The following CHRNA1 variants were observed in gnomAD, a reference collection of about 807,000 sequenced individuals.
CHRNA1 encodes the protein cholinergic receptor nicotinic alpha 1 subunit.
In CHRNA1, 35 loss-of-function variants were observed where a neutral mutation model predicts 47.1. The observed-to-expected ratio is 0.74, with a 90% CI of 0.57 to 0.99. The LOEUF (loss-of-function observed/expected upper bound fraction) is 0.99. CHRNA1 is among the 50% of genes least tolerant of loss of function. The pLI is 0.00. For missense variants in CHRNA1, 506 were observed against 591.1 expected (o/e 0.86, Z 1.49); for synonymous variants, 229 against 223.6 (o/e 1.02, Z -0.22).
At chr2:174,756,660 G>C (rs34962410) in intron 4 of CHRNA1, among the ~76,000 whole-genome samples, 1 of 152,140 alleles carries the variant, frequency 6.6e-6, no homozygotes, top group Non-Finnish European at 1.5e-5. Context: ...TTACACAAAT[G>C]ATCGGATAAT....
intron 1 of CHRNA1, among the ~76,000 whole-genome samples, chr2:174,761,156 C>G (rs1467306682): frequency 6.6e-6 from 1 of 152,164 alleles, no homozygotes; most frequent in Non-Finnish European, 1.5e-5. Context: ...GCCACTATTC[C>G]TATGAGAAAA....
At chr2:174,748,363 T>C (rs1270072820) in intron 8 of CHRNA1, 108 bp from the exon 9 acceptor site, 7 of 1,498,892 alleles carry the variant, frequency 4.7e-6, no homozygotes, top group Non-Finnish European at 6.4e-6. Flanking sequence ...GATCTCAAAG[T>C]CCTCCCATCC....
intron 3 of CHRNA1, chr2:174,758,029 C>G (rs780959620): frequency 1.2e-6 from 2 of 1,614,044 alleles, no homozygotes; most frequent in Admixed American, 1.7e-5. Flanking sequence ...CCCTGTCCAC[C>G]CACAGAAAAG....
At chr2:174,757,470 G>T in intron 4 of CHRNA1, 96 bp downstream of exon 4, 2 of 869,174 alleles carry the variant, frequency 2.3e-6, no homozygotes, top group Non-Finnish European at 3.8e-6. Context: ...AACATTAGCA[G>T]TGGTGAGAAG....
At chr2:174,755,935 G>T (rs187573643) in intron 4 of CHRNA1, among the ~76,000 whole-genome samples, 1 of 151,942 alleles carries the variant, frequency 6.6e-6, no homozygotes, top group Admixed American at 6.6e-5. Flanking sequence ...TACCTGGGAG[G>T]TTGAGGCAGA....
chr2:174,748,614 G>A lies in CHRNA1; in HGVS notation c.1208C>T (p.Ala403Val), dbSNP rs1458614374. The A allele has an allele frequency of 6.2e-7, 1 of 1,614,006 alleles. No homozygotes were observed. The highest frequency in any genetic ancestry group is 8.5e-7 in the Non-Finnish European group (1 of 1,179,856). Residue 403 changes from alanine (A) to valine (V), a missense_variant, in exon 8 of 9, where the codon GCA becomes GTA. Physicochemically the swap from Ala to Val is moderately conservative, Grantham distance 64. Transcript: ENST00000348749. ...KSAIEGIKYI[A>V]ETMKSDQESN... Reference sequence around the variant, plus strand: ...CTCCTGGTCTGACTTCATGGTCTCTGCGATGTACTTGATGCCCTCGATGGC... The same window carrying A: ...CTCCTGGTCTGACTTCATGGTCTCTACGATGTACTTGATGCCCTCGATGGC...
chr2:174,757,751 G>A (rs1684011502), intron 3 of CHRNA1, 76 bp from the exon 4 acceptor site: 4 of 1,294,188 alleles, frequency 3.1e-6, no homozygotes, highest in African/African-American at 1.5e-5. Context: ...GAGCCCTGAT[G>A]TGCATGGGAA....
chr2:174,748,004 T>C lies in CHRNA1; in HGVS notation c.*120A>G. 8.0e-7 allele frequency: 1 copy of C among 1,257,500 alleles called. No individual in the cohort carries two copies. Among genetic ancestry groups the C allele is most frequent in the South Asian group, 1.3e-5 (1 of 79,392 alleles). The allele number at this position is 1,257,500 out of a possible 1,614,324, so 77.9% of individuals were successfully genotyped here. On this transcript the variant is annotated 3_prime_UTR_variant, in exon 9 of 9. Coordinates refer to ENST00000348749, the MANE Select transcript of CHRNA1 (RefSeq NM_000079.4). The stretch of plus-strand genomic sequence containing the variant: ...TAAAGGTAAATCTTATCATCAATAA[T>C]AAGTATGGAATATAACACGTTTGAT...
rs867744338 is a variant in CHRNA1, at chr2:174,748,023, G to A, written c.*101C>T. The A allele has an allele frequency of 1.6e-4, 223 of 1,429,144 alleles. No homozygotes were observed. Among genetic ancestry groups the A allele is most frequent in the Middle Eastern group, 7.0e-4 (4 of 5,732 alleles). 88.5% of individuals were successfully genotyped at this position (1,429,144 alleles called of 1,614,324 possible). On this transcript the variant is annotated 3_prime_UTR_variant, in exon 9 of 9. Coordinates refer to ENST00000348749, the MANE Select transcript of CHRNA1 (RefSeq NM_000079.4). ...CAATAATAAGTATGGAATATAACAC[G>A]TTTGATAAGTGCGAGTGGAGCAAGT...
Position 174,759,929 on chromosome 2 carries a change from TACACACACAC to T in CHRNA1, c.44-306_44-297del, listed in dbSNP as rs5836472. ...GCCTGGCTGAATCAAGTTTGCCAGG[TACACACACAC>T]ACACACACACACACACACACGAAAA... On this transcript the variant is annotated intron_variant, in intron 1 of 8. Transcript: ENST00000348749. Among the ~76,000 whole-genome samples, 276 of 144,080 alleles carry T rather than the reference TACACACACAC, an allele frequency of 1.9e-3. 3 individuals carry two copies. Among genetic ancestry groups the T allele is most frequent in the African/African-American group, 6.9e-3 (261 of 37,834 alleles). 94.5% of individuals were successfully genotyped at this position (144,080 alleles called of 152,430 possible).
At chr2:174,751,635 G>A (rs1683852196) in intron 6 of CHRNA1, among the ~76,000 whole-genome samples, 1 of 151,348 alleles carries the variant, frequency 6.6e-6, no homozygotes, top group African/African-American at 2.4e-5. Flanking sequence ...CATAATTTTT[G>A]TGCTAAGTGC....
At chr2:174,763,582 T>A (rs1684136852) in intron 1 of CHRNA1, among the ~76,000 whole-genome samples, 1 of 152,206 alleles carries the variant, frequency 6.6e-6, no homozygotes, top group Non-Finnish European at 1.5e-5. Context: ...AACTTTTATG[T>A]GAAGCAATCA....
chr2:174,749,912 T>C (rs765204031), intron 7 of CHRNA1, 34 bp downstream of exon 7: 22 of 1,576,766 alleles, frequency 1.4e-5, no homozygotes, highest in Non-Finnish European at 1.9e-5. Flanking sequence ...TAGATGTGCC[T>C]CCGTGTGAAG....
chr2:174,748,838 C>T lies in CHRNA1; in HGVS notation c.1003-19G>A. On this transcript the variant is annotated intron_variant, in intron 7 of 8. Coordinates refer to ENST00000348749, the MANE Select transcript of CHRNA1 (RefSeq NM_000079.4). Reference sequence around the variant, plus strand: ...TAAAAACCTAACATAAAAAAGAAATCCATGCATGAGAATTATTGTCCAGGA... The same window carrying T: ...TAAAAACCTAACATAAAAAAGAAATTCATGCATGAGAATTATTGTCCAGGA... 6.2e-7 allele frequency: 1 copy of T among 1,612,758 alleles called. No individual in the cohort carries two copies. Among genetic ancestry groups the T allele is most frequent in the South Asian group, 1.1e-5 (1 of 90,940 alleles).
chr2:174,754,196 TATC>T lies in CHRNA1; in HGVS notation c.540+20_540+22del. ...ATCACAATTTTCCTGAAACCACCCT[TATC>T]ATATGTGGCCACCACCTACCGGGTT... On this transcript the variant is annotated intron_variant, in intron 5 of 8. Coordinates refer to ENST00000348749, the MANE Select transcript of CHRNA1 (RefSeq NM_000079.4). 1.9e-6 allele frequency: 3 copies of T among 1,611,734 alleles called. No individual in the cohort carries two copies. The highest frequency in any genetic ancestry group is 2.5e-6 in the Non-Finnish European group (3 of 1,179,270).
intron 1 of CHRNA1, among the ~76,000 whole-genome samples, chr2:174,760,980 A>G (rs568671132): frequency 6.6e-6 from 1 of 152,268 alleles, no homozygotes; most frequent in East Asian, 1.9e-4. Context: ...AGGAGGGCAG[A>G]CATTCTTACC....
At chr2:174,751,438 T>C (rs577038735) in intron 6 of CHRNA1, among the ~76,000 whole-genome samples, 1 of 152,274 alleles carries the variant, frequency 6.6e-6, no homozygotes, top group East Asian at 1.9e-4. Context: ...CTAGAATATA[T>C]ATAGAATATG....
At chr2:174,752,474 G>A (rs1683874247) in intron 6 of CHRNA1, among the ~76,000 whole-genome samples, 1 of 152,148 alleles carries the variant, frequency 6.6e-6, no homozygotes. Flanking sequence ...GGAGGCTGAG[G>A]TGAAAGGGTC....
At chr2:174,756,791 T>C (rs879441210) in intron 4 of CHRNA1, among the ~76,000 whole-genome samples, 2 of 152,196 alleles carry the variant, frequency 1.3e-5, no homozygotes, top group Admixed American at 6.5e-5. Context: ...TCCCTAAGTC[T>C]GCTAGGACAC....
Sources: allele counts gnomAD v4.1 joint callset (sites outside exome capture counted in the v4.1 genomes callset), GRCh38; gene constraint gnomAD v4.1.1; transcripts MANE v1.5; gene names NCBI Gene and HGNC (gene_info 2026-07-23, HGNC 2026-07-21).